The following CAPN2 variants were observed in gnomAD, a reference collection of about 807,000 sequenced individuals.
CAPN2 encodes the protein calpain 2.
In CAPN2, 92 loss-of-function variants were observed where a neutral mutation model predicts 102.3. The observed-to-expected ratio is 0.90, with a 90% CI of 0.76 to 1.07. CAPN2 has a LOEUF of 1.07. Ranked by LOEUF, CAPN2 falls within the 50% of genes least tolerant of loss-of-function variation. CAPN2 has a pLI of 0.00. For synonymous variants in CAPN2, 340 were observed against 355.4 expected, an observed-to-expected ratio of 0.96 and a Z score of 0.49; for missense variants, 800 against 909.4, an observed-to-expected ratio of 0.88 and a Z score of 1.55.
At chr1:223,750,033 C>G (rs1389713984) in intron 6 of CAPN2, among the ~76,000 whole-genome samples, 2 of 152,174 alleles carry the variant, frequency 1.3e-5, no homozygotes, top group East Asian at 1.9e-4. Flanking sequence ...TCAAGCAACT[C>G]AAGTTCACTG....
At chr1:223,763,509 A>G (rs1661239979) in intron 14 of CAPN2, among the ~76,000 whole-genome samples, 1 of 152,252 alleles carries the variant, frequency 6.6e-6, no homozygotes, top group African/African-American at 2.4e-5. Context: ...AATATGTGTA[A>G]GTGGATAGAG....
chr1:223,713,601 G>GT (rs1321351363), intron 1 of CAPN2, among the ~76,000 whole-genome samples: 1 of 152,154 alleles, frequency 6.6e-6, no homozygotes, highest in African/African-American at 2.4e-5. Context: ...TGTCCATTCT[G>GT]TTTCTTGGGG....
intron 2 of CAPN2, among the ~76,000 whole-genome samples, chr1:223,736,567 G>C (rs569188215): frequency 6.6e-6 from 1 of 152,178 alleles, no homozygotes; most frequent in African/African-American, 2.4e-5. Flanking sequence ...TGGACCATCT[G>C]CCCTGGGTGA....
At chr1:223,771,679 G>A in intron 18 of CAPN2, 130 bp from the exon 19 acceptor site, 1 of 702,484 alleles carries the variant, frequency 1.4e-6, no homozygotes, top group South Asian at 1.7e-5. Flanking sequence ...CAGTCTCACA[G>A]AAGAGCAGCC....
At chr1:223,703,179 CT>C (rs1362642187) in intron 1 of CAPN2, among the ~76,000 whole-genome samples, 1 of 152,182 alleles carries the variant, frequency 6.6e-6, no homozygotes, top group Non-Finnish European at 1.5e-5. Flanking sequence ...TACCCACTGA[CT>C]GTATAACCCT....
intron 5 of CAPN2, among the ~76,000 whole-genome samples, chr1:223,748,405 T>G (rs28370059): frequency 0.022 from 3,390 of 152,284 alleles, 134 homozygotes; most frequent in African/African-American, 0.077. Flanking sequence ...CAGAAGACCC[T>G]TTCTGCTCCA....
chr1:223,712,522 G>C, upstream of CAPN2: 1 of 1,221,204 alleles, frequency 8.2e-7, no homozygotes, highest in Non-Finnish European at 1.0e-6. Flanking sequence ...ATCATCGCTC[G>C]CAGCGGCGGC....
At chr1:223,715,679 C>T (rs1295042102) in intron 1 of CAPN2, among the ~76,000 whole-genome samples, 7 of 152,132 alleles carry the variant, frequency 4.6e-5, no homozygotes, top group Admixed American at 4.6e-4. Context: ...CCGGGTGGCA[C>T]ATCAGATCCT....
intron 2 of CAPN2, among the ~76,000 whole-genome samples, chr1:223,729,555 G>A (rs1173785966): frequency 6.6e-6 from 1 of 152,304 alleles, no homozygotes; most frequent in East Asian, 1.9e-4. Flanking sequence ...ATTTTAGGAG[G>A]ACATAAGTTA....
At chr1:223,766,301 T>A (rs1207994958) in intron 15 of CAPN2, 66 bp from the exon 16 acceptor site, 2 of 1,152,884 alleles carry the variant, frequency 1.7e-6, no homozygotes, top group African/African-American at 3.0e-5. Flanking sequence ...TCTCCATGAT[T>A]GTGGAAAGTT....
intron 1 of CAPN2, among the ~76,000 whole-genome samples, chr1:223,704,031 C>T (rs1363266511): frequency 6.6e-6 from 1 of 151,944 alleles, no homozygotes; most frequent in Non-Finnish European, 1.5e-5. Flanking sequence ...TGGCTCACAC[C>T]TGTAATCCGA....
At chr1:223,772,285 A>C (rs776531757) in intron 20 of CAPN2, 46 bp downstream of exon 20, 7 of 1,551,320 alleles carry the variant, frequency 4.5e-6, no homozygotes, top group African/African-American at 2.7e-5. Context: ...TGGGGGAGGC[A>C]TGGGGCGGAA....
At chr1:223,773,369 C>T (rs1214363834) in intron 20 of CAPN2, 1 of 152,096 alleles carries the variant, frequency 6.6e-6, no homozygotes, top group Non-Finnish European at 1.5e-5. Flanking sequence ...CCAGCCTGGC[C>T]AACATGGTGA....
rs764102360 is a variant in CAPN2 at position 223,757,383 on chromosome 1, A to G, written c.1317+3A>G. 1.4e-5 allele frequency: 23 copies of G among 1,614,068 alleles called. No individual in the cohort carries two copies. The highest frequency in any genetic ancestry group is 1.6e-4 in the Middle Eastern group (1 of 6,080). On this transcript the variant is annotated splice_donor_region_variant and intron_variant, in intron 11 of 20. Transcript: ENST00000295006. ...TTATTTTGCAGGTTCCAGAGGAGGT[A>G]CGTCTGGCCCATGTCCCGGGGTGCT...
intron 2 of CAPN2, among the ~76,000 whole-genome samples, chr1:223,719,831 T>TGTGTGTGTGTGC (rs1491465648): frequency 0.03 from 2,855 of 96,628 alleles, 39 homozygotes; most frequent in Non-Finnish European, 0.047. Context: ...TGTGTGTGTG[T>TGTGTGTGTGTGC]GCGCGCGCGC....
upstream of CAPN2, chr1:223,712,332 C>A: frequency 3.8e-6 from 2 of 531,782 alleles, no homozygotes; most frequent in South Asian, 8.2e-5. Context: ...GATTCGCGAG[C>A]CTCCCCGGCG....
intron 2 of CAPN2, among the ~76,000 whole-genome samples, chr1:223,740,644 A>G (rs1660589901): frequency 6.6e-6 from 1 of 152,230 alleles, no homozygotes; most frequent in Non-Finnish European, 1.5e-5. Context: ...TGCCAGGGAA[A>G]ATACTTAGGC....
At chr1:223,734,751 T>G (rs1246690731) in intron 2 of CAPN2, among the ~76,000 whole-genome samples, 1 of 152,194 alleles carries the variant, frequency 6.6e-6, no homozygotes, top group Non-Finnish European at 1.5e-5. Flanking sequence ...TCCACGCCTA[T>G]AAAATTAGCA....
At chr1:223,724,815 T>A (rs550034282) in intron 2 of CAPN2, among the ~76,000 whole-genome samples, 34 of 151,756 alleles carry the variant, frequency 2.2e-4, no homozygotes, top group African/African-American at 6.5e-4. Flanking sequence ...CAAAAAAAAA[T>A]TTTTTTAATT....
Sources: gnomAD v4.1 joint callset for allele counts (sites outside exome capture counted in the v4.1 genomes callset) on GRCh38, gnomAD v4.1.1 for gene constraint, MANE v1.5 for transcripts, NCBI Gene and HGNC (gene_info 2026-07-23, HGNC 2026-07-21) for gene names.